PRDM11: variants seen among roughly 807,000 people sequenced by gnomAD.
PRDM11 encodes the protein PR domain-containing protein 11.
Under a neutral mutation model 97.8 loss-of-function variants are expected in PRDM11, and 20 were observed. The ratio of observed to expected loss-of-function variants is 0.20; its 90% CI spans 0.14 to 0.30. The LOEUF (loss-of-function observed/expected upper bound fraction) is 0.30, where lower values mean the gene tolerates loss of function less well. Among genes scored for constraint, PRDM11 ranks in the 10% least tolerant of loss-of-function variants. The pLI is 1.00. For missense variants in PRDM11, 1,139 were observed against 1,555.2 expected, an observed-to-expected ratio of 0.73 and a Z score of 4.50; for synonymous variants, 599 against 637.7, an observed-to-expected ratio of 0.94 and a Z score of 0.91.
In PRDM11 at chr11:45,229,607, A is replaced by G. The variant is rs1456295691; in HGVS notation, c.*1448A>G. The G allele has an allele frequency of 2.0e-5, 3 of 152,182 alleles. No homozygotes were observed. The highest frequency in any genetic ancestry group is 2.9e-5 in the Non-Finnish European group (2 of 68,034). The allele number at this position is 152,182 out of a possible 1,614,324, so 9.4% of individuals were successfully genotyped here. ...GGTTTAAACTAGAGGAGTCTGATCA[A>G]TGCTCTTTCATTCATTTAACTACCG... On this transcript the variant is annotated 3_prime_UTR_variant, in exon 8 of 8. Transcript: ENST00000683152.
intron 4 of PRDM11, among the ~76,000 whole-genome samples, chr11:45,186,614 A>G (rs919205499): frequency 1.3e-5 from 2 of 152,176 alleles, no homozygotes; most frequent in Non-Finnish European, 2.9e-5. Flanking sequence ...TGGCAGGAGC[A>G]GTCTCATGGG....
intron 1 of PRDM11, among the ~76,000 whole-genome samples, chr11:45,136,752 T>G (rs1462613272): frequency 6.6e-6 from 1 of 152,034 alleles, no homozygotes; most frequent in Non-Finnish European, 1.5e-5. Context: ...TTGCTGTCCC[T>G]GTGGACCACC....
chr11:45,127,377 G>C (rs1852599239), intron 1 of PRDM11, among the ~76,000 whole-genome samples: 1 of 152,234 alleles, frequency 6.6e-6, no homozygotes, highest in South Asian at 2.1e-4. Flanking sequence ...CGTTGCTGGT[G>C]AGGAGCTGCG....
At chr11:45,154,243 C>T (rs1371069799) in intron 1 of PRDM11, among the ~76,000 whole-genome samples, 1 of 152,124 alleles carries the variant, frequency 6.6e-6, no homozygotes, top group Non-Finnish European at 1.5e-5. Context: ...GTAGTCCCAG[C>T]AACTTGGGAG....
intron 1 of PRDM11, among the ~76,000 whole-genome samples, chr11:45,176,104 G>A (rs1317809906): frequency 6.6e-6 from 1 of 152,004 alleles, no homozygotes; most frequent in Admixed American, 6.6e-5. Context: ...ATTTTTGGCC[G>A]GGTGTGGTAG....
chr11:45,139,433 G>A (rs988008262), intron 1 of PRDM11, among the ~76,000 whole-genome samples: 80 of 152,032 alleles, frequency 5.3e-4, no homozygotes, highest in Non-Finnish European at 1.1e-3. Context: ...TGGGCATGGT[G>A]GCAGGCTTCT....
Position 45,233,690 on chromosome 11 carries a change from C to T in PRDM11, c.*5531C>T, listed in dbSNP as rs1378789440. ...CCTCCCTCACTTGCTCAACCACTGT[C>T]AGGAGGAGAGGATGTGGGCAGCATG... On this transcript the variant is annotated 3_prime_UTR_variant, in exon 8 of 8. Transcript: ENST00000683152. 6.6e-6 allele frequency: 1 copy of T among 152,346 alleles called. No homozygotes were observed. The highest frequency in any genetic ancestry group is 1.9e-4 in the East Asian group (1 of 5,186). The allele number at this position is 152,346 out of a possible 1,614,324, so 9.4% of individuals were successfully genotyped here. A position where few individuals can be genotyped will look rare whatever the true frequency, so the allele number is the denominator to read the frequency against.
intron 4 of PRDM11, among the ~76,000 whole-genome samples, chr11:45,188,807 C>G (rs1852803153): frequency 6.6e-6 from 1 of 152,256 alleles, no homozygotes; most frequent in African/African-American, 2.4e-5. Context: ...AGGAACCATG[C>G]TGCTGGCACG....
intron 1 of PRDM11, among the ~76,000 whole-genome samples, chr11:45,181,021 A>G (rs1231630393): frequency 6.6e-6 from 1 of 152,104 alleles, no homozygotes; most frequent in African/African-American, 2.4e-5. Context: ...AGTGAGTCAC[A>G]CACGCCGCTC....
intron 1 of PRDM11, among the ~76,000 whole-genome samples, chr11:45,114,895 T>G (rs1430917079): frequency 6.6e-6 from 1 of 151,824 alleles, no homozygotes; most frequent in Non-Finnish European, 1.5e-5. Flanking sequence ...TTCAAATAAA[T>G]GAAAATTGAG....
chr11:45,228,020 C>T lies in PRDM11; in HGVS notation c.3395C>T (p.Ala1132Val), dbSNP rs1332356740. 2.6e-6 allele frequency: 4 copies of T among 1,533,738 alleles called. No individual in the cohort carries two copies. The highest frequency in any genetic ancestry group is 3.9e-5 in the Admixed American group (2 of 50,974). The change falls in exon 8 of 8, where the codon GCC becomes GTC. Residue 1132 changes from alanine (A) to valine (V), a missense_variant. Around this residue, in one of 2 missense-constraint regions of PRDM11, gnomAD observed 710 missense variants for 1,044.9 expected, o/e 0.68. Transcript: ENST00000683152. The stretch of plus-strand genomic sequence containing the variant: ...ATCACCAACTTTGATGCCAAGCGAG[C>T]CCTGGACAGCTGGTTTGAGGAGAAG... ...PPITNFDAKR[A>V]LDSWFEEKSG...
intron 1 of PRDM11, among the ~76,000 whole-genome samples, chr11:45,109,611 C>T (rs1380023390): frequency 6.6e-6 from 1 of 152,168 alleles, no homozygotes; most frequent in African/African-American, 2.4e-5. Context: ...CACTGGGCCA[C>T]AACCAAGACT....
In PRDM11 at chr11:45,207,272, G is replaced by A. The variant is rs1305451014; in HGVS notation, c.554+2494G>A. Among the ~76,000 whole-genome samples, 6 of 152,174 alleles carry A rather than the reference G, an allele frequency of 3.9e-5. No homozygotes were observed. The East Asian group carries it at 5.8e-4, about 15-fold the overall frequency. ...CTCTCCTTTGCACTGTCATGGCACC[G>A]CTTGGGGATGATTGAATGGACTCTG... is the stretch of plus-strand genomic sequence containing the variant. On this transcript the variant is annotated intron_variant, in intron 5 of 7. Coordinates refer to ENST00000683152, the MANE Select transcript of PRDM11 (RefSeq NM_001384648.1).
At chr11:45,204,680 G>T (rs1367983624) in intron 4 of PRDM11, 31 bp from the exon 5 acceptor site, 2 of 1,584,152 alleles carry the variant, frequency 1.3e-6, no homozygotes, top group East Asian at 2.2e-5. Context: ...CTCTAGAATG[G>T]CCCATCCTAG....
At chr11:45,217,491 T>G (rs1853991688) in intron 5 of PRDM11, among the ~76,000 whole-genome samples, 1 of 151,840 alleles carries the variant, frequency 6.6e-6, no homozygotes, top group Non-Finnish European at 1.5e-5. Context: ...GCACCGTAAA[T>G]CTTGCAAGTT....
intron 5 of PRDM11, among the ~76,000 whole-genome samples, chr11:45,210,534 G>A (rs1245398953): frequency 4.6e-5 from 7 of 152,238 alleles, no homozygotes; most frequent in Non-Finnish European, 8.8e-5. Flanking sequence ...AGTGGTGGGA[G>A]CCAGGCAGGA....
At chr11:45,118,221 A>T (rs1852345633) in intron 1 of PRDM11, among the ~76,000 whole-genome samples, 1 of 152,230 alleles carries the variant, frequency 6.6e-6, no homozygotes, top group Non-Finnish European at 1.5e-5. Context: ...CTAGAAAAGG[A>T]GAAAAACAAC....
rs188822841 is a variant in PRDM11, at chr11:45,104,969, A to G, written c.96+9068A>G. ...TTCCCATCACGGGGCCAGTGGCCCC[A>G]TGTCTTAGTCTGCTTGGGCAGCTAT... On this transcript the variant is annotated intron_variant, in intron 1 of 6. Transcript: ENST00000530656. Among the ~76,000 whole-genome samples, 3 of 152,306 alleles carry G rather than the reference A, an allele frequency of 2.0e-5. No homozygotes were observed. The East Asian group carries it at 5.8e-4, about 29-fold the overall frequency.
intron 1 of PRDM11, chr11:45,147,652 C>G (rs1349367943): frequency 6.6e-6 from 1 of 152,304 alleles, no homozygotes; most frequent in Non-Finnish European, 1.5e-5. Context: ...CCAGCGTGCT[C>G]TAGGCGAGTC....
Sources: allele counts gnomAD v4.1 joint callset (sites outside exome capture counted in the v4.1 genomes callset), GRCh38; gene constraint gnomAD v4.1.1; regional missense constraint gnomAD v4.1.1; transcripts MANE v1.5; gene names NCBI Gene and HGNC (gene_info 2026-07-23, HGNC 2026-07-21).